The following ABI3BP variants were observed in gnomAD, a reference collection of about 807,000 sequenced individuals.
The protein encoded by ABI3BP is ABI family member 3 binding protein.
A neutral mutation model predicts 268.6 loss-of-function variants in ABI3BP; 216 were observed. The ratio of observed to expected loss-of-function variants is 0.80; its 90% CI spans 0.72 to 0.90. The LOEUF is 0.90. Among genes scored for constraint, ABI3BP ranks in the 40% least tolerant of loss-of-function variants. ABI3BP has a pLI of 0.00. For missense variants in ABI3BP, 2,090 were observed against 2,182.4 expected (o/e 0.96, Z 0.84); for synonymous variants, 730 against 730.0 (o/e 1.00, Z 0.00).
intron 34 of ABI3BP, among the ~76,000 whole-genome samples, chr3:100,827,202 A>T (rs1416387982): frequency 2.6e-5 from 4 of 152,120 alleles, no homozygotes; most frequent in African/African-American, 9.7e-5. Context: ...CTCATTCTCT[A>T]GGCTTTTCGC....
At position 100,834,676 on chromosome 3, in the gene ABI3BP, T is replaced by C; in HGVS notation, c.2281+8A>G. 2 of 1,534,814 alleles carry C rather than the reference T, an allele frequency of 1.3e-6. No homozygotes were observed. The highest frequency in any genetic ancestry group is 1.4e-5 in the African/African-American group (1 of 73,074). ...TGCCACAGGGACAAGGAACCACATA[T>C]TATTTACCTAGTTTGGTCTGCAGTG... On this transcript the variant is annotated splice_region_variant and intron_variant, in intron 29 of 67. Transcript: ENST00000471714.
At chr3:100,889,963 T>G (rs1165981170) in intron 4 of ABI3BP, among the ~76,000 whole-genome samples, 1 of 152,128 alleles carries the variant, frequency 6.6e-6, no homozygotes, top group Non-Finnish European at 1.5e-5. Flanking sequence ...ATCTTTTAGA[T>G]CCTTTGTTTC....
At chr3:100,869,330 G>GTTTTTTTTT (rs144604645) in intron 9 of ABI3BP, among the ~76,000 whole-genome samples, 6 of 49,754 alleles carry the variant, frequency 1.2e-4, no homozygotes, top group South Asian at 1.2e-3. Context: ...CTTCTTTTTG[G>GTTTTTTTTT]TTTTTTTTTT....
intron 49 of ABI3BP, among the ~76,000 whole-genome samples, chr3:100,809,767 A>G (rs72932509): frequency 1.3e-3 from 191 of 152,252 alleles, no homozygotes; most frequent in African/African-American, 4.5e-3. Flanking sequence ...ACAGCTATTA[A>G]GAGGACTTTT....
At chr3:100,785,418 C>T (rs1057345842) in intron 57 of ABI3BP, among the ~76,000 whole-genome samples, 7 of 152,194 alleles carry the variant, frequency 4.6e-5, no homozygotes, top group Admixed American at 1.3e-4. Context: ...AGTCTACAAC[C>T]GGGAGAGGAG....
chr3:100,776,160 G>A (rs944804020), intron 59 of ABI3BP, among the ~76,000 whole-genome samples: 3 of 152,162 alleles, frequency 2.0e-5, no homozygotes, highest in African/African-American at 7.2e-5. Flanking sequence ...GGAGTCGAAA[G>A]GAGACTAGAT....
intron 4 of ABI3BP, among the ~76,000 whole-genome samples, chr3:100,894,227 T>C (rs2046096941): frequency 6.6e-6 from 1 of 152,018 alleles, no homozygotes; most frequent in African/African-American, 2.4e-5. Context: ...AGTTTTAAAT[T>C]AGAGCCAATG....
In ABI3BP at chr3:100,830,501, G is replaced by A. The variant is rs1036267362; in HGVS notation, c.2458+77C>T. On this transcript the variant is annotated intron_variant, in intron 32 of 67. Coordinates refer to ENST00000471714, the MANE Select transcript of ABI3BP (RefSeq NM_001375547.2). ...ACAGAAGCCTTGTGAAGCGGGAGAAGCTGTGGTTATGATGGTGATGAATGG... is the reference window on the plus strand; with the variant it reads ...ACAGAAGCCTTGTGAAGCGGGAGAAACTGTGGTTATGATGGTGATGAATGG... 1.4e-5 allele frequency: 17 copies of A among 1,235,010 alleles called. No homozygotes were observed. The Admixed American group carries it at 1.9e-4, about 14-fold the overall frequency. 76.5% of individuals were successfully genotyped at this position (1,235,010 alleles called of 1,614,324 possible). A position where few individuals can be genotyped will look rare whatever the true frequency, so the allele number is the denominator to read the frequency against.
At chr3:100,762,396 AG>A (rs917206545) in intron 63 of ABI3BP, among the ~76,000 whole-genome samples, 3 of 152,208 alleles carry the variant, frequency 2.0e-5, no homozygotes, top group Admixed American at 6.5e-5. Context: ...AAAGAAAAAT[AG>A]TGTTATTGTT....
intron 1 of ABI3BP, among the ~76,000 whole-genome samples, chr3:100,974,402 T>C (rs981395002): frequency 6.6e-6 from 1 of 152,204 alleles, no homozygotes; most frequent in African/African-American, 2.4e-5. Context: ...GGCCATATAA[T>C]GAAATTCTAC....
At chr3:100,877,985 T>G (rs2099180237) in intron 6 of ABI3BP, among the ~76,000 whole-genome samples, 1 of 152,192 alleles carries the variant, frequency 6.6e-6, no homozygotes, top group East Asian at 1.9e-4. Flanking sequence ...AAGGTTCTTA[T>G]GTTTTAAAAA....
At chr3:100,793,589 A>G (rs2152116272) in intron 54 of ABI3BP, among the ~76,000 whole-genome samples, 1 of 152,180 alleles carries the variant, frequency 6.6e-6, no homozygotes, top group South Asian at 2.1e-4. Context: ...TAACTTTGCC[A>G]TCATGGGCAC....
intron 1 of ABI3BP, among the ~76,000 whole-genome samples, chr3:100,977,149 A>G (rs1273584618): frequency 6.6e-6 from 1 of 152,140 alleles, no homozygotes; most frequent in African/African-American, 2.4e-5. Context: ...GCAAAACTAC[A>G]TTTCCAAAGC....
chr3:100,813,032 C>A (rs1424636899), intron 45 of ABI3BP, among the ~76,000 whole-genome samples: 1 of 152,088 alleles, frequency 6.6e-6, no homozygotes, highest in Non-Finnish European at 1.5e-5. Flanking sequence ...AGGCATGCAC[C>A]ACTATGCCCA....
At position 100,843,622 on chromosome 3, in the gene ABI3BP, T is replaced by C. The variant is rs941657236; in HGVS notation, c.1724-1583A>G. The stretch of plus-strand genomic sequence containing the variant: ...ATGGAGAGAGAGAGGAGAGTATGCA[T>C]GTGAGAGAGAGTGTGTGAGAAAGAG... On this transcript the variant is annotated intron_variant, in intron 20 of 67. Transcript: ENST00000471714. 4 of 983,644 alleles carry C rather than the reference T, an allele frequency of 4.1e-6. No individual in the cohort carries two copies. The African/African-American group carries it at 7.0e-5, about 17-fold the overall frequency. The allele number at this position is 983,644 out of a possible 1,614,324, so 60.9% of individuals were successfully genotyped here. A position where few individuals can be genotyped will look rare whatever the true frequency, so the allele number is the denominator to read the frequency against.
intron 51 of ABI3BP, among the ~76,000 whole-genome samples, chr3:100,802,128 CAA>C (rs756624176): frequency 3.9e-5 from 6 of 152,094 alleles, no homozygotes; most frequent in Non-Finnish European, 7.4e-5. Context: ...AATTAGTTCA[CAA>C]AAAACTCCCC....
rs544933094 is a variant in ABI3BP, at chr3:100,789,320, T to C, written c.4087+134A>G. ...GGATTCATCAATACCTTTCCACTTA[T>C]CCACACAGATCAGAGTCTCTGTACA... is the stretch of plus-strand genomic sequence containing the variant. On this transcript the variant is annotated intron_variant, in intron 56 of 67. Transcript: ENST00000471714. The C allele has an allele frequency of 6.8e-5, 52 of 760,480 alleles. No individual in the cohort carries two copies. In the African/African-American group the frequency reaches 8.1e-4, roughly 12 times the overall value. The allele number at this position is 760,480 out of a possible 1,614,324, so 47.1% of individuals were successfully genotyped here.
intron 36 of ABI3BP, among the ~76,000 whole-genome samples, chr3:100,824,589 G>A (rs910869870): frequency 3.3e-5 from 5 of 152,176 alleles, no homozygotes; most frequent in African/African-American, 1.2e-4. Flanking sequence ...TTTAAGATGT[G>A]AATGGAATTT....
intron 2 of ABI3BP, among the ~76,000 whole-genome samples, chr3:100,923,928 A>T (rs939011207): frequency 6.6e-6 from 1 of 152,160 alleles, no homozygotes; most frequent in Non-Finnish European, 1.5e-5. Context: ...CAGTCTTAGG[A>T]TCACTAAATG....
Sources: gnomAD v4.1 joint callset for allele counts (sites outside exome capture counted in the v4.1 genomes callset) on GRCh38, gnomAD v4.1.1 for gene constraint, MANE v1.5 for transcripts, NCBI Gene and HGNC (gene_info 2026-07-23, HGNC 2026-07-21) for gene names.